MCTP1: variants seen among roughly 807,000 people sequenced by gnomAD.
The protein encoded by MCTP1 is multiple C2 and transmembrane domain-containing protein 1.
In MCTP1, 69 loss-of-function variants were observed where a neutral mutation model predicts 120.6. That is an observed-to-expected ratio of 0.57 (90% CI 0.47 to 0.70). The LOEUF is 0.70. Ranked by LOEUF, MCTP1 falls within the 30% of genes least tolerant of loss-of-function variation. The pLI is 0.00. For missense variants in MCTP1, 1,203 were observed against 1,248.8 expected, an observed-to-expected ratio of 0.96 and a Z score of 0.55; for synonymous variants, 529 against 493.1, an observed-to-expected ratio of 1.07 and a Z score of -0.96.
At chr5:95,127,855 C>T (rs1484545159) in intron 1 of MCTP1, among the ~76,000 whole-genome samples, 2 of 152,112 alleles carry the variant, frequency 1.3e-5, no homozygotes, top group Admixed American at 6.5e-5. Flanking sequence ...GGCATAATGT[C>T]TAAGGGGAAC....
intron 1 of MCTP1, among the ~76,000 whole-genome samples, chr5:95,055,136 A>G (rs1747042375): frequency 6.6e-6 from 1 of 152,232 alleles, no homozygotes; most frequent in Admixed American, 6.5e-5. Context: ...GTTCACTACC[A>G]ATAAAGTAAT....
At chr5:94,731,009 T>C (rs1763024402) in intron 19 of MCTP1, among the ~76,000 whole-genome samples, 1 of 152,010 alleles carries the variant, frequency 6.6e-6, no homozygotes. Context: ...TCTGTTAAAA[T>C]GTAAGAAGAC....
At chr5:94,788,536 C>T (rs1476213262) in intron 18 of MCTP1, among the ~76,000 whole-genome samples, 2 of 152,170 alleles carry the variant, frequency 1.3e-5, no homozygotes, top group Non-Finnish European at 2.9e-5. Context: ...CAATAATTCT[C>T]CACAAATATA....
chr5:94,851,107 G>A (rs976287115), intron 17 of MCTP1, among the ~76,000 whole-genome samples: 4 of 151,926 alleles, frequency 2.6e-5, no homozygotes, highest in Non-Finnish European at 5.9e-5. Flanking sequence ...AAAATACATC[G>A]AATTAACACT....
At chr5:94,985,883 G>A (rs537173608) in intron 2 of MCTP1, among the ~76,000 whole-genome samples, 3 of 152,266 alleles carry the variant, frequency 2.0e-5, no homozygotes, top group Non-Finnish European at 2.9e-5. Flanking sequence ...ATCTGACATC[G>A]AGTTGATTGT....
intron 1 of MCTP1, among the ~76,000 whole-genome samples, chr5:95,197,983 TA>T (rs1750580057): frequency 6.6e-6 from 1 of 152,162 alleles, no homozygotes; most frequent in Non-Finnish European, 1.5e-5. Flanking sequence ...GTTTAGGGAA[TA>T]ATGACAAGAA....
intron 1 of MCTP1, among the ~76,000 whole-genome samples, chr5:95,148,802 G>A (rs943214210): frequency 6.6e-6 from 1 of 152,114 alleles, no homozygotes; most frequent in Non-Finnish European, 1.5e-5. Context: ...TCATCTGAGA[G>A]GGCTGGTGAT....
At chr5:94,948,380 T>A (rs571605877) in intron 3 of MCTP1, among the ~76,000 whole-genome samples, 1 of 152,314 alleles carries the variant, frequency 6.6e-6, no homozygotes, top group East Asian at 1.9e-4. Context: ...TTCCCGAGAC[T>A]CAATAACTTC....
chr5:95,037,760 G>A (rs1003118935), intron 1 of MCTP1, among the ~76,000 whole-genome samples: 1 of 152,082 alleles, frequency 6.6e-6, no homozygotes, highest in Non-Finnish European at 1.5e-5. Flanking sequence ...CCAGCTACTC[G>A]GGAGGCTGAG....
At chr5:95,180,533 C>T (rs1283908273) in intron 1 of MCTP1, among the ~76,000 whole-genome samples, 2 of 152,164 alleles carry the variant, frequency 1.3e-5, no homozygotes, top group Non-Finnish European at 2.9e-5. Context: ...TTTTCCACCA[C>T]CTCTCTGGCT....
intron 1 of MCTP1, among the ~76,000 whole-genome samples, chr5:95,044,306 A>T (rs1338600834): frequency 6.6e-6 from 1 of 152,240 alleles, no homozygotes; most frequent in Non-Finnish European, 1.5e-5. Context: ...GGAAAAAAGC[A>T]GGACAAGTGT....
At chr5:95,269,188 T>C (rs1229858354) in intron 1 of MCTP1, among the ~76,000 whole-genome samples, 1 of 149,940 alleles carries the variant, frequency 6.7e-6, no homozygotes, top group African/African-American at 2.4e-5. Flanking sequence ...TCCATGCTGG[T>C]ATTATTATTA....
At position 94,948,623 on chromosome 5, in the gene MCTP1, A is replaced by T. The variant is rs967903280; in HGVS notation, c.981+4596T>A. On this transcript the variant is annotated intron_variant, in intron 3 of 22. Coordinates refer to ENST00000515393, the MANE Select transcript of MCTP1 (RefSeq NM_024717.7). ...GGCTGGAAACGTTATTCCCATTCCA[A>T]CTACTCATTTGTTTCCATTTAAATG... Among the ~76,000 whole-genome samples the T allele has an allele frequency of 2.0e-5, 3 of 152,110 alleles. No homozygotes were observed. The East Asian group carries it at 5.8e-4, about 29-fold the overall frequency.
intron 1 of MCTP1, among the ~76,000 whole-genome samples, chr5:95,257,735 TAAG>T (rs1758035554): frequency 6.6e-6 from 1 of 151,360 alleles, no homozygotes; most frequent in South Asian, 2.1e-4. Context: ...AGGAAATATA[TAAG>T]AAGAGCCTGG....
At chr5:94,812,917 T>C (rs1306741571) in intron 17 of MCTP1, among the ~76,000 whole-genome samples, 1 of 152,036 alleles carries the variant, frequency 6.6e-6, no homozygotes, top group African/African-American at 2.4e-5. Context: ...TCTCTCTCTC[T>C]CTCTCTCTGT....
chr5:94,980,623 G>A (rs541615838), intron 2 of MCTP1, among the ~76,000 whole-genome samples: 2 of 151,822 alleles, frequency 1.3e-5, no homozygotes, highest in African/African-American at 4.8e-5. Flanking sequence ...TAAGGAAATG[G>A]CTAGTCCTTA....
intron 1 of MCTP1, among the ~76,000 whole-genome samples, chr5:95,055,919 A>T (rs927799833): frequency 3.9e-5 from 6 of 152,250 alleles, no homozygotes; most frequent in Non-Finnish European, 8.8e-5. Context: ...GATCGTCTAT[A>T]ATAAAAATCA....
chr5:94,815,576 T>C (rs941120536), intron 17 of MCTP1, among the ~76,000 whole-genome samples: 1 of 152,186 alleles, frequency 6.6e-6, no homozygotes, highest in African/African-American at 2.4e-5. Flanking sequence ...TTTATGTCTT[T>C]GCCTTTCAGA....
At chr5:95,151,908 C>T (rs1760927918) in intron 1 of MCTP1, among the ~76,000 whole-genome samples, 1 of 152,230 alleles carries the variant, frequency 6.6e-6, no homozygotes, top group Non-Finnish European at 1.5e-5. Context: ...CTTTTCCTAG[C>T]AACATCTGTA....
Sources: gnomAD v4.1 joint callset for allele counts (sites outside exome capture counted in the v4.1 genomes callset) on GRCh38, gnomAD v4.1.1 for gene constraint, MANE v1.5 for transcripts, NCBI Gene and HGNC (gene_info 2026-07-23, HGNC 2026-07-21) for gene names.